Variants in PLXDC2 observed in about 807,000 individuals in gnomAD.
The protein encoded by PLXDC2 is plexin domain-containing protein 2.
In PLXDC2, 40 loss-of-function variants were observed where a neutral mutation model predicts 68.9. That is an observed-to-expected ratio of 0.58 (90% CI 0.45 to 0.76). The LOEUF (loss-of-function observed/expected upper bound fraction) is 0.76. PLXDC2 is among the 30% of genes least tolerant of loss of function. The pLI is 0.00. For synonymous variants in PLXDC2, 243 were observed against 234.2 expected (o/e 1.04, Z -0.34); for missense variants, 644 against 661.9 (o/e 0.97, Z 0.30).
intron 1 of PLXDC2, among the ~76,000 whole-genome samples, chr10:19,991,726 C>G (rs1834753975): frequency 6.6e-6 from 1 of 152,130 alleles, no homozygotes; most frequent in African/African-American, 2.4e-5. Flanking sequence ...CAGAGTCTAT[C>G]AGACATCTGG....
intron 1 of PLXDC2, among the ~76,000 whole-genome samples, chr10:19,970,837 C>G (rs967914213): frequency 2.0e-5 from 3 of 152,142 alleles, no homozygotes; most frequent in African/African-American, 7.2e-5. Flanking sequence ...AGAGAACAAG[C>G]CTGGTGTTGC....
At chr10:19,946,127 A>G (rs2131402211) in intron 1 of PLXDC2, among the ~76,000 whole-genome samples, 1 of 152,266 alleles carries the variant, frequency 6.6e-6, no homozygotes, top group East Asian at 1.9e-4. Context: ...AATTTTCTCA[A>G]AGCAGCTCAG....
intron 4 of PLXDC2, among the ~76,000 whole-genome samples, chr10:20,081,655 A>G (rs1397372395): frequency 6.6e-6 from 1 of 152,232 alleles, no homozygotes; most frequent in African/African-American, 2.4e-5. Flanking sequence ...TTGCCAACAA[A>G]CAAACAAACT....
At chr10:20,270,095 G>C (rs1400780801) in intron 13 of PLXDC2, among the ~76,000 whole-genome samples, 1 of 152,058 alleles carries the variant, frequency 6.6e-6, no homozygotes, top group East Asian at 1.9e-4. Context: ...GGAAGGAGTA[G>C]AGAGTGAGCC....
intron 4 of PLXDC2, chr10:20,071,164 C>T (rs1267380203): frequency 6.6e-6 from 1 of 152,144 alleles, no homozygotes; most frequent in Non-Finnish European, 1.5e-5. Flanking sequence ...CAAAATGAAA[C>T]CTGAGTCTCA....
intron 4 of PLXDC2, among the ~76,000 whole-genome samples, chr10:20,080,296 T>C (rs544870943): frequency 1.9e-4 from 29 of 152,230 alleles, no homozygotes; most frequent in African/African-American, 6.0e-4. Flanking sequence ...GATAGATGGA[T>C]ATATGAAGGG....
In PLXDC2 at chr10:20,158,501, C is replaced by CAAAAAAAAAAAAAAAAA. The variant is rs59079629; in HGVS notation, c.784-5957_784-5941dup. ...GTAACATAATGAGACTCTGTCTCTG[C>CAAAAAAAAAAAAAAAAA]AAAAAAAAAAAAAAAAAAAAAAAAA... On this transcript the variant is annotated intron_variant, in intron 6 of 13. Transcript: ENST00000377252. Among the ~76,000 whole-genome samples the CAAAAAAAAAAAAAAAAA allele has an allele frequency of 1.8e-3, 208 of 118,716 alleles. 1 individual carries two copies. Among genetic ancestry groups the CAAAAAAAAAAAAAAAAA allele is most frequent in the Non-Finnish European group, 2.9e-3 (167 of 57,716 alleles). The allele number at this position is 118,716 out of a possible 152,430, so 77.9% of individuals were successfully genotyped here. A position where few individuals can be genotyped will look rare whatever the true frequency, so the allele number is the denominator to read the frequency against.
chr10:20,217,444 G>A lies in PLXDC2; in HGVS notation c.1141G>A (p.Glu381Lys), dbSNP rs538585422. The change falls in exon 11 of 14, where the codon GAG becomes AAG. Residue 381 changes from glutamate (E) to lysine (K), a missense_variant. Physicochemically the swap from Glu to Lys is moderately conservative, Grantham distance 56 (BLOSUM62 1). This residue lies in a region of PLXDC2 where 330 missense variants were observed against 327.9 expected (regional missense o/e 1.01). Coordinates refer to ENST00000377252, the MANE Select transcript of PLXDC2 (RefSeq NM_032812.9). ...CPEESKEKMC[E>K]NTEPVETSSR... Reference sequence around the variant, plus strand: ...TTACTAGTCAAAAGAGAAGATGTGTGAGAATACAGAACCAGTGGAAACTTC... The same window carrying A: ...TTACTAGTCAAAAGAGAAGATGTGTAAGAATACAGAACCAGTGGAAACTTC... 6.2e-7 allele frequency: 1 copy of A among 1,611,450 alleles called. No individual in the cohort carries two copies. Among genetic ancestry groups the A allele is most frequent in the African/African-American group, 1.3e-5 (1 of 74,856 alleles).
intron 12 of PLXDC2, among the ~76,000 whole-genome samples, chr10:20,244,116 A>G (rs1359042411): frequency 6.6e-6 from 1 of 152,100 alleles, no homozygotes; most frequent in Non-Finnish European, 1.5e-5. Flanking sequence ...ATTGAGAACC[A>G]CTGTTCTGAA....
chr10:19,999,075 G>A (rs1178867809), intron 1 of PLXDC2, among the ~76,000 whole-genome samples: 1 of 152,090 alleles, frequency 6.6e-6, no homozygotes, highest in Non-Finnish European at 1.5e-5. Flanking sequence ...AGGAAGGCAG[G>A]AAGAAAAAAT....
At chr10:20,014,843 T>G (rs1329017504) in intron 2 of PLXDC2, among the ~76,000 whole-genome samples, 1 of 152,182 alleles carries the variant, frequency 6.6e-6, no homozygotes, top group Non-Finnish European at 1.5e-5. Flanking sequence ...AAAAACTCTA[T>G]TTTTATCTTT....
chr10:19,899,439 T>A (rs1249230025), intron 1 of PLXDC2, among the ~76,000 whole-genome samples: 1 of 152,204 alleles, frequency 6.6e-6, no homozygotes, highest in Non-Finnish European at 1.5e-5. Flanking sequence ...GCATTTAAAT[T>A]ACCAACTGTT....
At chr10:19,869,973 A>T (rs2131341965) in intron 1 of PLXDC2, among the ~76,000 whole-genome samples, 1 of 152,270 alleles carries the variant, frequency 6.6e-6, no homozygotes, top group African/African-American at 2.4e-5. Flanking sequence ...TTATAAAAGC[A>T]CTCTATGGGG....
intron 1 of PLXDC2, among the ~76,000 whole-genome samples, chr10:19,921,902 G>A (rs1442945939): frequency 6.6e-6 from 1 of 151,976 alleles, no homozygotes; most frequent in Non-Finnish European, 1.5e-5. Flanking sequence ...CTCTGTCTCA[G>A]TCTGGAATGC....
intron 13 of PLXDC2, 60 bp from the exon 14 acceptor site, chr10:20,279,643 T>G (rs1836054885): frequency 1.5e-6 from 2 of 1,307,460 alleles, no homozygotes; most frequent in East Asian, 4.6e-5. Context: ...CAAATAGATT[T>G]TTCTGGTGCT....
intron 1 of PLXDC2, among the ~76,000 whole-genome samples, chr10:19,848,210 A>T (rs1047093727): frequency 6.6e-6 from 1 of 152,244 alleles, no homozygotes; most frequent in Admixed American, 6.5e-5. Flanking sequence ...CACCTAGAAG[A>T]TGGCCGCTAT....
At chr10:19,988,856 C>T (rs11011719) in intron 1 of PLXDC2, among the ~76,000 whole-genome samples, 3 of 123,162 alleles carry the variant, frequency 2.4e-5, no homozygotes, top group Admixed American at 1.1e-4. Context: ...AGTGCAATGG[C>T]GCCATCTCTG....
chr10:20,111,801 C>T (rs1329079520), intron 4 of PLXDC2, among the ~76,000 whole-genome samples: 1 of 152,176 alleles, frequency 6.6e-6, no homozygotes, highest in Admixed American at 6.5e-5. Context: ...TTCACAGATC[C>T]TAACGTATAC....
intron 6 of PLXDC2, among the ~76,000 whole-genome samples, chr10:20,162,101 A>AAGGG (rs1834307095): frequency 6.8e-6 from 1 of 147,234 alleles, no homozygotes; most frequent in Non-Finnish European, 1.5e-5. Context: ...GGAAGGAAGG[A>AAGGG]AGGAAGGAAG....
Sources: allele counts gnomAD v4.1 joint callset (sites outside exome capture counted in the v4.1 genomes callset), GRCh38; gene constraint gnomAD v4.1.1; regional missense constraint gnomAD v4.1.1; transcripts MANE v1.5; gene names NCBI Gene and HGNC (gene_info 2026-07-23, HGNC 2026-07-21).